Variants in CLSTN2 observed in about 807,000 individuals in gnomAD.
CLSTN2 encodes calsyntenin-2.
A neutral mutation model predicts 101.2 loss-of-function variants in CLSTN2; 48 were observed. That is an observed-to-expected ratio of 0.47 (90% CI 0.38 to 0.60). The LOEUF (loss-of-function observed/expected upper bound fraction) is 0.60. Ranked by LOEUF, CLSTN2 falls within the 20% of genes least tolerant of loss-of-function variation. CLSTN2 has a pLI of 0.00. For synonymous variants in CLSTN2, 481 were observed against 463.6 expected, an observed-to-expected ratio of 1.04 and a Z score of -0.48; for missense variants, 1,160 against 1,238.2, an observed-to-expected ratio of 0.94 and a Z score of 0.95.
At chr3:140,098,581 T>C (rs1046021992) in intron 1 of CLSTN2, among the ~76,000 whole-genome samples, 8 of 152,236 alleles carry the variant, frequency 5.3e-5, no homozygotes, top group Non-Finnish European at 1.0e-4. Context: ...ATTGCATATT[T>C]ACTATTTTGA....
intron 1 of CLSTN2, among the ~76,000 whole-genome samples, chr3:140,003,658 G>C (rs1320243807): frequency 6.6e-6 from 1 of 152,080 alleles, no homozygotes; most frequent in Non-Finnish European, 1.5e-5. Flanking sequence ...GATACTAGCT[G>C]TGGGTCTGTC....
intron 2 of CLSTN2, among the ~76,000 whole-genome samples, chr3:140,203,536 G>C (rs1420639398): frequency 8.0e-6 from 1 of 124,652 alleles, no homozygotes; most frequent in Non-Finnish European, 1.6e-5. Flanking sequence ...GCCATTTGTT[G>C]GTAGAAAATG....
intron 1 of CLSTN2, among the ~76,000 whole-genome samples, chr3:140,004,267 G>C (rs1331399939): frequency 1.3e-5 from 2 of 152,204 alleles, no homozygotes; most frequent in Non-Finnish European, 2.9e-5. Context: ...TTAAAACAAA[G>C]AGAGATAGCT....
chr3:140,382,924 T>C lies in CLSTN2; in HGVS notation c.233-20705T>C, dbSNP rs187443263. On this transcript the variant is annotated intron_variant, in intron 2 of 16. Transcript: ENST00000458420. Reference sequence around the variant, plus strand: ...CCTCTTAATACCATCACACTGCGGATTAGGTTTAAACATATGAATTGGGTG... The same window carrying C: ...CCTCTTAATACCATCACACTGCGGACTAGGTTTAAACATATGAATTGGGTG... 1.1e-3 allele frequency among the ~76,000 whole-genome samples: 158 copies of C among 148,316 alleles called. 4 individuals are homozygous for C. The highest frequency in any genetic ancestry group is 0.011 in the Admixed American group (155 of 14,714).
rs372482256 is a variant in CLSTN2 at position 140,242,010 on chromosome 3, C to T, written c.232+65937C>T. Among the ~76,000 whole-genome samples the T allele has an allele frequency of 2.3e-3, 344 of 151,848 alleles. 3 individuals are homozygous for T. The highest frequency in any genetic ancestry group is 3.8e-3 in the Non-Finnish European group (256 of 67,972). On this transcript the variant is annotated intron_variant, in intron 2 of 16. Transcript: ENST00000458420. ...GCAACCTCCGTCTCCTGGGTTCAAG[C>T]GATTCTCCTGCCTCAGCCTCCTGAG...
chr3:140,305,023 GACACACAC>G (rs374893786), intron 2 of CLSTN2, among the ~76,000 whole-genome samples: 12 of 143,168 alleles, frequency 8.4e-5, no homozygotes, highest in Non-Finnish European at 1.5e-4. Context: ...CACACACAGA[GACACACAC>G]ACACACACAC....
At chr3:140,551,668 A>C (rs1438120369) in intron 10 of CLSTN2, among the ~76,000 whole-genome samples, 2 of 152,090 alleles carry the variant, frequency 1.3e-5, no homozygotes, top group African/African-American at 4.8e-5. Context: ...TTTTCTGTCA[A>C]CTGATTATTA....
In CLSTN2 at chr3:140,448,549, G is replaced by T; in HGVS notation, c.818G>T (p.Gly273Val). ...ACCAAGAGGATTGAGTACCAGCCTG[G>T]CTCCGGGAGCATGCCCCTGTTCCCC... Reference protein sequence around the residue: ...DWTKRIEYQPGSGSMPLFPSI... With the variant: ...DWTKRIEYQPVSGSMPLFPSI... The change falls in exon 6 of 17, where the codon GGC becomes GTC. Residue 273 changes from glycine to valine, a missense_variant. Physicochemically the swap from Gly to Val is moderately radical, Grantham distance 109. Coordinates refer to ENST00000458420, the MANE Select transcript of CLSTN2 (RefSeq NM_022131.3). The T allele has an allele frequency of 1.2e-6, 2 of 1,613,974 alleles. No homozygotes were observed. The highest frequency in any genetic ancestry group is 1.7e-5 in the Admixed American group (1 of 59,998).
chr3:140,295,682 A>ATT (rs2086996721), intron 2 of CLSTN2, among the ~76,000 whole-genome samples: 1 of 152,230 alleles, frequency 6.6e-6, no homozygotes, highest in Non-Finnish European at 1.5e-5. Context: ...AGATAAGTAC[A>ATT]AATACATTAT....
chr3:139,998,230 G>C (rs1302467825), intron 1 of CLSTN2, among the ~76,000 whole-genome samples: 2 of 151,036 alleles, frequency 1.3e-5, no homozygotes, highest in African/African-American at 2.4e-5. Flanking sequence ...AGACAGACCT[G>C]ACTCTACATT....
At chr3:140,156,533 G>A (rs904971266) in intron 1 of CLSTN2, among the ~76,000 whole-genome samples, 3 of 152,178 alleles carry the variant, frequency 2.0e-5, no homozygotes, top group Admixed American at 1.3e-4. Flanking sequence ...GCAACTTCAG[G>A]GAGTGTAATG....
intron 1 of CLSTN2, among the ~76,000 whole-genome samples, chr3:140,134,648 A>G (rs2009572612): frequency 6.6e-6 from 1 of 152,178 alleles, no homozygotes; most frequent in Non-Finnish European, 1.5e-5. Context: ...GGATAACTTG[A>G]TATTTTCTGA....
intron 2 of CLSTN2, among the ~76,000 whole-genome samples, chr3:140,285,499 G>A (rs974044031): frequency 6.6e-6 from 1 of 152,158 alleles, no homozygotes; most frequent in Non-Finnish European, 1.5e-5. Context: ...CTGGGGTGCA[G>A]CAGAAGCAGG....
intron 1 of CLSTN2, among the ~76,000 whole-genome samples, chr3:140,080,620 C>G (rs931417289): frequency 6.6e-6 from 1 of 152,152 alleles, no homozygotes; most frequent in Non-Finnish European, 1.5e-5. Context: ...TCTGCTTCCC[C>G]CTATTATTTT....
intron 1 of CLSTN2, among the ~76,000 whole-genome samples, chr3:139,998,472 AGCT>A (rs2006742074): frequency 6.7e-6 from 1 of 150,182 alleles, no homozygotes; most frequent in Non-Finnish European, 1.5e-5. Flanking sequence ...CCTCCCGAGT[AGCT>A]GGGACCACAG....
rs376257008 is a variant in CLSTN2 at position 140,248,580 on chromosome 3, G to A, written c.232+72507G>A. Among the ~76,000 whole-genome samples, 25 of 152,258 alleles carry A rather than the reference G, an allele frequency of 1.6e-4. No homozygotes were observed. In the East Asian group the frequency reaches 4.3e-3, roughly 26 times the overall value. ...ACAATCGTTGGCAGTTGGAAGAGGG[G>A]CAGCTGACATCCTGCAGATACGAAG... On this transcript the variant is annotated intron_variant, in intron 2 of 16. Coordinates refer to ENST00000458420, the MANE Select transcript of CLSTN2 (RefSeq NM_022131.3).
At chr3:140,254,400 A>T (rs746639639) in intron 2 of CLSTN2, among the ~76,000 whole-genome samples, 12 of 152,180 alleles carry the variant, frequency 7.9e-5, no homozygotes, top group African/African-American at 2.9e-4. Flanking sequence ...GTATATTTGC[A>T]TATGTGCATT....
chr3:139,981,090 T>C (rs146820515), intron 1 of CLSTN2, among the ~76,000 whole-genome samples: 1 of 151,574 alleles, frequency 6.6e-6, no homozygotes, highest in African/African-American at 2.4e-5. Flanking sequence ...TGCCTGTGGG[T>C]CATCTGCACA....
At chr3:140,253,427 T>C (rs569162522) in intron 2 of CLSTN2, among the ~76,000 whole-genome samples, 6 of 152,312 alleles carry the variant, frequency 3.9e-5, no homozygotes, top group African/African-American at 1.4e-4. Context: ...GTTCCTTAAT[T>C]AGTGTTGGCA....
Sources: allele counts gnomAD v4.1 joint callset (sites outside exome capture counted in the v4.1 genomes callset), GRCh38; gene constraint gnomAD v4.1.1; transcripts MANE v1.5; gene names NCBI Gene and HGNC (gene_info 2026-07-23, HGNC 2026-07-21).